GABRB1: variants seen among roughly 807,000 people sequenced by gnomAD.
The protein encoded by GABRB1 is gamma-aminobutyric acid type A receptor subunit beta1.
GABRB1 carries 17 observed loss-of-function variants against 51.6 expected under a neutral mutation model. The observed-to-expected ratio is 0.33, with a 90% CI of 0.23 to 0.49. The LOEUF (loss-of-function observed/expected upper bound fraction) is 0.49. Among genes scored for constraint, GABRB1 ranks in the 20% least tolerant of loss-of-function variants. The pLI is 0.99. For missense variants in GABRB1, 410 were observed against 600.6 expected (o/e 0.68, Z 3.32); for synonymous variants, 247 against 218.9 (o/e 1.13, Z -1.14).
intron 4 of GABRB1, among the ~76,000 whole-genome samples, chr4:47,294,069 T>A (rs566854946): frequency 6.6e-6 from 1 of 152,268 alleles, no homozygotes; most frequent in East Asian, 1.9e-4. Context: ...AAAGCATGCT[T>A]AGTAATCAAT....
intron 3 of GABRB1, among the ~76,000 whole-genome samples, chr4:47,159,869 G>A (rs949438217): frequency 6.6e-6 from 1 of 152,028 alleles, no homozygotes; most frequent in African/African-American, 2.4e-5. Flanking sequence ...ACACTGTGCA[G>A]GAGGTACATA....
At chr4:47,192,935 A>G (rs959946076) in intron 4 of GABRB1, among the ~76,000 whole-genome samples, 3 of 152,320 alleles carry the variant, frequency 2.0e-5, no homozygotes, top group African/African-American at 7.2e-5. Flanking sequence ...AAACTGACAT[A>G]TAAAGACCTG....
chr4:47,313,717 G>C lies in GABRB1; in HGVS notation c.462-6410G>C, dbSNP rs190704032. Among the ~76,000 whole-genome samples the C allele has an allele frequency of 3.7e-3, 557 of 152,192 alleles. 2 individuals carry two copies. Among genetic ancestry groups the C allele is most frequent in the Non-Finnish European group, 6.2e-3 (423 of 67,964 alleles). On this transcript the variant is annotated intron_variant, in intron 4 of 8. Coordinates refer to ENST00000295454, the MANE Select transcript of GABRB1 (RefSeq NM_000812.4). ...AATGCCAAACTCCTAAATCAGCAGA[G>C]TTCAACACTGTATTACACAGATTTC...
intron 4 of GABRB1, among the ~76,000 whole-genome samples, chr4:47,248,185 G>A (rs1721837677): frequency 1.3e-5 from 2 of 152,020 alleles, no homozygotes; most frequent in Admixed American, 6.6e-5. Context: ...ATTGAGATAT[G>A]TCCCTTGTAT....
intron 5 of GABRB1, among the ~76,000 whole-genome samples, chr4:47,388,469 G>C (rs532586266): frequency 1.3e-5 from 2 of 152,270 alleles, no homozygotes; most frequent in Non-Finnish European, 2.9e-5. Context: ...TCCTAGATCT[G>C]GTTGGAAGTA....
chr4:47,405,015 T>C (rs1448773728), intron 7 of GABRB1, among the ~76,000 whole-genome samples: 1 of 152,248 alleles, frequency 6.6e-6, no homozygotes, highest in Non-Finnish European at 1.5e-5. Flanking sequence ...TAATTTAAAA[T>C]GGCATTCATT....
intron 5 of GABRB1, among the ~76,000 whole-genome samples, chr4:47,369,629 G>A (rs1454776413): frequency 2.6e-5 from 4 of 152,044 alleles, no homozygotes; most frequent in African/African-American, 7.2e-5. Flanking sequence ...TTAATTGTAT[G>A]AACTCAGCCA....
chr4:47,003,428 T>A (rs897707647), intron 1 of GABRB1, among the ~76,000 whole-genome samples: 5 of 152,226 alleles, frequency 3.3e-5, no homozygotes, highest in Non-Finnish European at 7.3e-5. Context: ...GCATTTAATA[T>A]GCTTATGTAA....
chr4:47,015,293 A>G (rs535261948), intron 1 of GABRB1, among the ~76,000 whole-genome samples: 26 of 152,356 alleles, frequency 1.7e-4, no homozygotes, highest in African/African-American at 6.0e-4. Flanking sequence ...ATATAGAATA[A>G]CAATATGTTT....
At chr4:47,245,856 A>G (rs1440691505) in intron 4 of GABRB1, among the ~76,000 whole-genome samples, 1 of 147,786 alleles carries the variant, frequency 6.8e-6, no homozygotes. Context: ...AAAAAGCTGC[A>G]TAGAAACATT....
chr4:47,425,097 A>G (rs1729224271), intron 8 of GABRB1, among the ~76,000 whole-genome samples: 1 of 152,184 alleles, frequency 6.6e-6, no homozygotes, highest in African/African-American at 2.4e-5. Flanking sequence ...AGATTAATTC[A>G]ATTATGTTTT....
chr4:47,036,238 T>A (rs544407170), intron 3 of GABRB1, among the ~76,000 whole-genome samples: 8 of 152,220 alleles, frequency 5.3e-5, no homozygotes, highest in Non-Finnish European at 1.2e-4. Context: ...CCACTTAAAA[T>A]TCACTGTTTC....
chr4:47,249,964 A>G (rs772466422), intron 4 of GABRB1, among the ~76,000 whole-genome samples: 2 of 152,092 alleles, frequency 1.3e-5, no homozygotes, highest in African/African-American at 2.4e-5. Context: ...GGTTGCATTC[A>G]TCGTGTTATT....
chr4:47,297,157 G>T (rs536928169), intron 4 of GABRB1, among the ~76,000 whole-genome samples: 16 of 151,806 alleles, frequency 1.1e-4, no homozygotes, highest in African/African-American at 3.6e-4. Context: ...AGAGAAAGCA[G>T]GAAAGATCCA....
intron 4 of GABRB1, among the ~76,000 whole-genome samples, chr4:47,249,171 C>A (rs370853321): frequency 1.3e-5 from 2 of 151,874 alleles, no homozygotes; most frequent in East Asian, 3.9e-4. Flanking sequence ...CTCTTAGTAC[C>A]ACCTTTGCTG....
At chr4:47,356,949 A>T (rs1337437593) in intron 5 of GABRB1, among the ~76,000 whole-genome samples, 1 of 152,150 alleles carries the variant, frequency 6.6e-6, no homozygotes, top group African/African-American at 2.4e-5. Context: ...AACATCTTTC[A>T]GGGTCAGTCA....
At chr4:47,207,881 G>A (rs1720199008) in intron 4 of GABRB1, among the ~76,000 whole-genome samples, 1 of 152,042 alleles carries the variant, frequency 6.6e-6, no homozygotes, top group Admixed American at 6.6e-5. Flanking sequence ...AGAAAATAGA[G>A]TGCAGGTGGG....
chr4:47,064,354 G>A (rs1042632980), intron 3 of GABRB1, among the ~76,000 whole-genome samples: 1 of 152,200 alleles, frequency 6.6e-6, no homozygotes, highest in Non-Finnish European at 1.5e-5. Context: ...AAGTTATCAG[G>A]CCAGGTGCGG....
intron 5 of GABRB1, among the ~76,000 whole-genome samples, chr4:47,378,028 G>A (rs926398513): frequency 3.9e-5 from 6 of 152,342 alleles, no homozygotes; most frequent in South Asian, 2.1e-4. Flanking sequence ...CTGCCAGTCC[G>A]GCACCGTGCG....
Sources: allele counts gnomAD v4.1 joint callset (sites outside exome capture counted in the v4.1 genomes callset), GRCh38; gene constraint gnomAD v4.1.1; transcripts MANE v1.5; gene names NCBI Gene and HGNC (gene_info 2026-07-23, HGNC 2026-07-21).